The following SLCO3A1 variants were observed in gnomAD, a reference collection of about 807,000 sequenced individuals.
SLCO3A1 encodes the protein PGE1 transporter.
SLCO3A1 carries 27 observed loss-of-function variants against 63.1 expected under a neutral mutation model. That is an observed-to-expected ratio of 0.43 (90% CI 0.32 to 0.59). SLCO3A1 has a LOEUF of 0.59. SLCO3A1 is among the 20% of genes least tolerant of loss of function. The pLI, the probability that SLCO3A1 is intolerant of heterozygous loss-of-function variation, is 0.09. For synonymous variants in SLCO3A1, 473 were observed against 409.9 expected (o/e 1.15, Z -1.86); for missense variants, 773 against 945.8 (o/e 0.82, Z 2.40).
At chr15:92,054,245 C>G (rs993959797) in intron 2 of SLCO3A1, among the ~76,000 whole-genome samples, 5 of 152,162 alleles carry the variant, frequency 3.3e-5, no homozygotes, top group African/African-American at 1.2e-4. Flanking sequence ...TAGACTCATG[C>G]TGTATTAAAA....
chr15:91,866,110 C>A (rs76141603), intron 1 of SLCO3A1, among the ~76,000 whole-genome samples: 5 of 152,150 alleles, frequency 3.3e-5, no homozygotes, highest in African/African-American at 1.2e-4. Context: ...AGGAATGAAC[C>A]TAGTTGGATG....
chr15:92,011,372 A>G (rs77496981), intron 2 of SLCO3A1, among the ~76,000 whole-genome samples: 65 of 152,330 alleles, frequency 4.3e-4, no homozygotes, highest in African/African-American at 1.5e-3. Context: ...TTCTCATGCT[A>G]TTTTGAGATT....
At chr15:91,867,991 G>C (rs936208269) in intron 1 of SLCO3A1, among the ~76,000 whole-genome samples, 1 of 152,204 alleles carries the variant, frequency 6.6e-6, no homozygotes, top group Non-Finnish European at 1.5e-5. Flanking sequence ...CTATGTCTGT[G>C]TCTTTATCTA....
At chr15:91,922,778 A>C (rs1454351107) in intron 2 of SLCO3A1, among the ~76,000 whole-genome samples, 1 of 152,212 alleles carries the variant, frequency 6.6e-6, no homozygotes, top group South Asian at 2.1e-4. Flanking sequence ...TTCTTTTTCT[A>C]AAATAAATGG....
rs1432217005 is a variant in SLCO3A1, at chr15:92,104,651, G to T, written c.1009+109G>T. The T allele has an allele frequency of 7.7e-6, 9 of 1,161,638 alleles. No homozygotes were observed. The East Asian group carries it at 1.3e-4, about 16-fold the overall frequency. The allele number at this position is 1,161,638 out of a possible 1,614,324, so 72.0% of individuals were successfully genotyped here. On this transcript the variant is annotated intron_variant, in intron 4 of 9. Transcript: ENST00000318445. ...TGGGGTGCTTGGGGACTTGGTGGAG[G>T]CAGAATAATATTGGCTTGCATGGCT...
chr15:92,031,106 A>G (rs2046642812), intron 2 of SLCO3A1, among the ~76,000 whole-genome samples: 1 of 152,178 alleles, frequency 6.6e-6, no homozygotes, highest in African/African-American at 2.4e-5. Flanking sequence ...AATGTTCTGC[A>G]CGCATTTCTG....
intron 2 of SLCO3A1, among the ~76,000 whole-genome samples, chr15:92,036,833 A>G (rs532750196): frequency 3.5e-4 from 53 of 152,140 alleles, no homozygotes; most frequent in Non-Finnish European, 5.6e-4. Context: ...AGACCATTAG[A>G]ATGTGACCTC....
chr15:92,097,339 C>T (rs1178744929), intron 3 of SLCO3A1, among the ~76,000 whole-genome samples: 1 of 152,224 alleles, frequency 6.6e-6, no homozygotes, highest in Non-Finnish European at 1.5e-5. Flanking sequence ...TCACCAAACT[C>T]TCTTAGGAGA....
chr15:91,974,588 G>A (rs1321472716), intron 2 of SLCO3A1, among the ~76,000 whole-genome samples: 3 of 152,062 alleles, frequency 2.0e-5, no homozygotes, highest in African/African-American at 7.2e-5. Flanking sequence ...GGCAGGGTAG[G>A]CGTGTGCTGT....
rs1897011057 is a variant in SLCO3A1, at chr15:91,860,058, G to T, written c.180+5970G>T. Among the ~76,000 whole-genome samples the T allele has an allele frequency of 6.6e-6, 1 of 152,144 alleles. No homozygotes were observed. Among genetic ancestry groups the T allele is most frequent in the South Asian group, 2.1e-4 (1 of 4,824 alleles). On this transcript the variant is annotated intron_variant, in intron 1 of 9. Transcript: ENST00000318445. This position sits in a 1 kb window ranked among gnomAD's most constrained non-coding sequence, Gnocchi z 5.5. ...CATCTTAAAGATGCTATAAAAATTA[G>T]TCACATGGGAGAGGAGCCCACTGCA...
intron 1 of SLCO3A1, among the ~76,000 whole-genome samples, chr15:91,855,466 G>GTT (rs1896893777): frequency 6.6e-6 from 1 of 152,172 alleles, no homozygotes; most frequent in Non-Finnish European, 1.5e-5. Context: ...GACGAAAAGC[G>GTT]TTTACATCCC....
rs1471746525 is a variant in SLCO3A1 at position 92,171,634 on chromosome 15, C to T, written c.1997-146C>T. On this transcript the variant is annotated intron_variant, in intron 10 of 10. Transcript: ENST00000424469. ...TCCCTTGGGGTTACATGGAATGAAA[C>T]CCAGCACTTTATTGCTTTGACTGCC... The T allele has an allele frequency of 1.1e-5, 7 of 641,022 alleles. No individual in the cohort carries two copies. In the East Asian group the frequency reaches 1.9e-4, roughly 18 times the overall value. The allele number at this position is 641,022 out of a possible 1,614,324, so 39.7% of individuals were successfully genotyped here. A position where few individuals can be genotyped will look rare whatever the true frequency, so the allele number is the denominator to read the frequency against.
rs943789988 is a variant in SLCO3A1 at position 91,921,890 on chromosome 15, C to T, written c.646+5432C>T. ...GATTATAGGTGCCTGCCACCACACC[C>T]GGTTACTTTTTTTTTTGTATTTTTA... On this transcript the variant is annotated intron_variant, in intron 2 of 9. Transcript: ENST00000318445. Among the ~76,000 whole-genome samples, 7 of 152,090 alleles carry T rather than the reference C, an allele frequency of 4.6e-5. No homozygotes were observed. The East Asian group carries it at 9.7e-4, about 21-fold the overall frequency.
chr15:92,168,246 G>T (rs1011863554), downstream of SLCO3A1, among the ~76,000 whole-genome samples: 1 of 152,204 alleles, frequency 6.6e-6, no homozygotes, highest in Non-Finnish European at 1.5e-5. Context: ...AGAGTGGGTG[G>T]CCTAGAAACT....
chr15:91,955,881 G>C (rs1900154436), intron 2 of SLCO3A1, among the ~76,000 whole-genome samples: 2 of 152,192 alleles, frequency 1.3e-5, no homozygotes. Context: ...TTAGGGCAGA[G>C]GTGTGAGTTC....
rs562956404 is a variant in SLCO3A1, at chr15:91,891,950, G to A, written c.181-24043G>A. On this transcript the variant is annotated intron_variant, in intron 1 of 9. Coordinates refer to ENST00000318445, the MANE Select transcript of SLCO3A1 (RefSeq NM_013272.4). ...TTCCAGAGACACTCTACTTAACACA[G>A]ACAGGTGGTGAATGGGATTTGGCCT... Among the ~76,000 whole-genome samples the A allele has an allele frequency of 2.6e-5, 4 of 152,346 alleles. No homozygotes were observed. The South Asian group carries it at 8.3e-4, about 32-fold the overall frequency.
chr15:92,100,444 C>T (rs561308836), intron 3 of SLCO3A1, among the ~76,000 whole-genome samples: 8 of 152,200 alleles, frequency 5.3e-5, no homozygotes, highest in Admixed American at 2.0e-4. Context: ...TTTCTTCATC[C>T]ATGTGTCTAG....
At chr15:91,971,388 C>A (rs1364923188) in intron 2 of SLCO3A1, among the ~76,000 whole-genome samples, 1 of 13,140 alleles carries the variant, frequency 7.6e-5, no homozygotes, top group South Asian at 3.1e-3. Context: ...GAGCGAGACT[C>A]CATCTCAAAA....
intron 2 of SLCO3A1, among the ~76,000 whole-genome samples, chr15:92,066,376 T>TG (rs2047151986): frequency 6.6e-6 from 1 of 152,368 alleles, no homozygotes; most frequent in Admixed American, 6.5e-5. Context: ...ATTGTTGTGC[T>TG]GTTTCTGGCA....
Sources: allele counts gnomAD v4.1 joint callset (sites outside exome capture counted in the v4.1 genomes callset), GRCh38; gene constraint gnomAD v4.1.1; non-coding constraint Gnocchi (gnomAD v3.1); transcripts MANE v1.5; gene names NCBI Gene and HGNC (gene_info 2026-07-23, HGNC 2026-07-21).